The following ASH1L variants were observed in gnomAD, a reference collection of about 807,000 sequenced individuals.
The protein encoded by ASH1L is histone-lysine N-methyltransferase ASH1L.
ASH1L carries 23 observed loss-of-function variants against 269.0 expected under a neutral mutation model. The ratio of observed to expected loss-of-function variants is 0.09; its 90% CI spans 0.06 to 0.12. The LOEUF is 0.12. Among genes scored for constraint, ASH1L ranks in the 10% least tolerant of loss-of-function variants. The pLI, the probability that ASH1L is intolerant of heterozygous loss-of-function variation, is 1.00. For missense variants in ASH1L, 2,912 were observed against 3,567.8 expected (o/e 0.82, Z 4.68); for synonymous variants, 1,187 against 1,253.5 (o/e 0.95, Z 1.12).
chr1:155,361,149 C>A (rs1263414519), intron 12 of ASH1L, among the ~76,000 whole-genome samples: 1 of 151,586 alleles, frequency 6.6e-6, no homozygotes, highest in Non-Finnish European at 1.5e-5. Flanking sequence ...TTTGGGAGGC[C>A]GAGGAGGGCA....
At chr1:155,524,793 T>C (rs922885966) in intron 1 of ASH1L, among the ~76,000 whole-genome samples, 1 of 152,034 alleles carries the variant, frequency 6.6e-6, no homozygotes, top group Non-Finnish European at 1.5e-5. Context: ...TGAGCCGTGA[T>C]TGTACCACTA....
chr1:155,393,007 C>T (rs1459463339), intron 7 of ASH1L, among the ~76,000 whole-genome samples: 1 of 152,026 alleles, frequency 6.6e-6, no homozygotes, highest in Non-Finnish European at 1.5e-5. Flanking sequence ...TTTTCAAAGC[C>T]TATTTATCAT....
chr1:155,449,766 G>A (rs111659898), intron 4 of ASH1L, among the ~76,000 whole-genome samples: 283 of 151,822 alleles, frequency 1.9e-3, no homozygotes, highest in African/African-American at 6.6e-3. Flanking sequence ...TGATCTGCCC[G>A]TCTCAGCTTC....
chr1:155,406,284 A>G lies in ASH1L; in HGVS notation c.6008+9460T>C, dbSNP rs559217565. Among the ~76,000 whole-genome samples, 4 of 152,050 alleles carry G rather than the reference A, an allele frequency of 2.6e-5. No homozygotes were observed. The East Asian group carries it at 5.8e-4, about 22-fold the overall frequency. Reference sequence around the variant, plus strand: ...TGAAGATTCCAGTTGCATTTTTTGCAGAAATAGATAAGCTGATCCTAAAAA... The same window carrying G: ...TGAAGATTCCAGTTGCATTTTTTGCGGAAATAGATAAGCTGATCCTAAAAA... On this transcript the variant is annotated intron_variant, in intron 6 of 27. Coordinates refer to ENST00000392403, the MANE Select transcript of ASH1L (RefSeq NM_018489.3).
intron 2 of ASH1L, among the ~76,000 whole-genome samples, chr1:155,503,667 T>C (rs1186356436): frequency 6.6e-6 from 1 of 152,224 alleles, no homozygotes; most frequent in African/African-American, 2.4e-5. Context: ...CGTATTTACA[T>C]TAAGCAGTTC....
chr1:155,345,223 C>G (rs989491882), intron 21 of ASH1L, among the ~76,000 whole-genome samples: 4 of 147,604 alleles, frequency 2.7e-5, no homozygotes, highest in Non-Finnish European at 6.0e-5. Flanking sequence ...CTCCGTCACC[C>G]GGGCTAGAGT....
At chr1:155,345,994 G>T (rs1653274861) in intron 21 of ASH1L, 1 of 391,524 alleles carries the variant, frequency 2.6e-6, no homozygotes, top group African/African-American at 2.1e-5. Context: ...TCCATGCCCG[G>T]CTAATTTTTT....
intron 4 of ASH1L, among the ~76,000 whole-genome samples, chr1:155,447,585 T>C (rs1663134084): frequency 6.6e-6 from 1 of 152,192 alleles, no homozygotes; most frequent in African/African-American, 2.4e-5. Context: ...AGATGATATC[T>C]CATTGTAGTT....
intron 3 of ASH1L, among the ~76,000 whole-genome samples, chr1:155,471,674 G>C (rs1266847264): frequency 6.6e-6 from 1 of 152,222 alleles, no homozygotes; most frequent in Admixed American, 6.5e-5. Context: ...TGCATCCTTT[G>C]TAACAAAACT....
chr1:155,502,138 T>C (rs1206609371), intron 2 of ASH1L, among the ~76,000 whole-genome samples: 1 of 150,388 alleles, frequency 6.6e-6, no homozygotes, highest in African/African-American at 2.5e-5. Context: ...TGGCGCGATC[T>C]TGGCTCACTG....
chr1:155,370,935 T>G lies in ASH1L; in HGVS notation c.6381A>C (p.Gln2127His). Residue 2127 changes from glutamine (Q) to histidine (H), a missense_variant, in exon 11 of 28, where the codon CAA becomes CAC. By Grantham distance (24) the Gln-to-His change is conservative. Transcript: ENST00000392403. The stretch of plus-strand genomic sequence containing the variant: ...GCCTCTGTATCCTCTGGTTACAGCA[T>G]TGCTCGCCACATGGGCAAGTGTTGG... Reference protein sequence around the residue: ...CSPNTCPCGEQCCNQRIQRHE... With the variant: ...CSPNTCPCGEHCCNQRIQRHE... The G allele has an allele frequency of 6.2e-7, 1 of 1,614,188 alleles. No individual in the cohort carries two copies. Among genetic ancestry groups the G allele is most frequent in the Non-Finnish European group, 8.5e-7 (1 of 1,180,034 alleles).
At chr1:155,487,795 T>C (rs1666431026) in intron 2 of ASH1L, among the ~76,000 whole-genome samples, 1 of 152,202 alleles carries the variant, frequency 6.6e-6, no homozygotes, top group South Asian at 2.1e-4. Context: ...TATACTTAAA[T>C]AGGAAGTTAT....
intron 17 of ASH1L, among the ~76,000 whole-genome samples, chr1:155,351,789 T>C (rs1347027696): frequency 1.3e-5 from 2 of 151,502 alleles, no homozygotes; most frequent in Non-Finnish European, 2.9e-5. Context: ...AGGTGGAGGT[T>C]GCAGTGAGCC....
chr1:155,484,716 G>A (rs1666182608), intron 2 of ASH1L, among the ~76,000 whole-genome samples: 1 of 151,222 alleles, frequency 6.6e-6, no homozygotes, highest in Non-Finnish European at 1.5e-5. Context: ...ATCACCTGAG[G>A]TCAGGAGTTT....
intron 2 of ASH1L, among the ~76,000 whole-genome samples, chr1:155,498,790 T>C (rs893190764): frequency 2.0e-5 from 3 of 152,086 alleles, no homozygotes; most frequent in African/African-American, 7.2e-5. Context: ...CTCTCTATGT[T>C]GCCCAGGCTG....
rs1397688024 is a variant in ASH1L at position 155,369,433 on chromosome 1, C to T, written c.6686+1071G>A. ...CTGCACTCCAGCCTGGGCAACAGAG[C>T]GAGACTCCGTCTCAAAAAAAAAAAA... On this transcript the variant is annotated intron_variant, in intron 12 of 27. Coordinates refer to ENST00000392403, the MANE Select transcript of ASH1L (RefSeq NM_018489.3). Among the ~76,000 whole-genome samples the T allele has an allele frequency of 4.7e-5, 7 of 149,860 alleles. No individual in the cohort carries two copies. In the South Asian group the frequency reaches 1.1e-3, roughly 23 times the overall value.
Position 155,558,800 on chromosome 1 carries a change from G to A in ASH1L, c.-100+3353C>T, listed in dbSNP as rs76827022. Among the ~76,000 whole-genome samples, 18 of 150,960 alleles carry A rather than the reference G, an allele frequency of 1.2e-4. No homozygotes were observed. In the East Asian group the frequency reaches 3.6e-3, roughly 30 times the overall value. ...TCCTGGCTCAGCCTCCCAAAGCACTGGGATCATAGGGATAACCCACTATGC... is the reference window on the plus strand; with the variant it reads ...TCCTGGCTCAGCCTCCCAAAGCACTAGGATCATAGGGATAACCCACTATGC... On this transcript the variant is annotated intron_variant, in intron 1 of 27. Coordinates refer to ENST00000392403, the MANE Select transcript of ASH1L (RefSeq NM_018489.3).
At chr1:155,523,386 A>AG (rs910853043) in intron 1 of ASH1L, among the ~76,000 whole-genome samples, 1 of 152,138 alleles carries the variant, frequency 6.6e-6, no homozygotes, top group African/African-American at 2.4e-5. Context: ...CCCAGCTCTC[A>AG]GGAGACTGAG....
intron 6 of ASH1L, among the ~76,000 whole-genome samples, chr1:155,405,995 G>A (rs949680169): frequency 2.2e-4 from 33 of 151,978 alleles, no homozygotes; most frequent in African/African-American, 6.5e-4. Flanking sequence ...CTTGAGGTCC[G>A]GAGTTCGAGA....
Sources: gnomAD v4.1 joint callset for allele counts (sites outside exome capture counted in the v4.1 genomes callset) on GRCh38, gnomAD v4.1.1 for gene constraint, MANE v1.5 for transcripts, NCBI Gene and HGNC (gene_info 2026-07-23, HGNC 2026-07-21) for gene names.